Variants in TSHZ2 observed in about 807,000 individuals in gnomAD.
TSHZ2 encodes teashirt zinc finger homeobox 2.
In TSHZ2, 21 loss-of-function variants were observed where a neutral mutation model predicts 74.4. The observed-to-expected ratio is 0.28, with a 90% confidence interval of 0.20 to 0.41. The LOEUF is 0.41. Among genes scored for constraint, TSHZ2 ranks in the 10% least tolerant of loss-of-function variants. The probability of loss-of-function intolerance (pLI) is 1.00; values close to 1 mark genes in which losing one functional copy is unlikely to be tolerated. For missense variants in TSHZ2, 1,244 were observed against 1,293.5 expected, an observed-to-expected ratio of 0.96 and a Z score of 0.59; for synonymous variants, 540 against 515.3, an observed-to-expected ratio of 1.05 and a Z score of -0.65.
chr20:53,289,174 A>G (rs370758374), intron 2 of TSHZ2, among the ~76,000 whole-genome samples: 26 of 138,138 alleles, frequency 1.9e-4, no homozygotes, highest in African/African-American at 6.1e-4. Context: ...AGTAGTATTC[A>G]GTGGTGTATA....
intron 1 of TSHZ2, among the ~76,000 whole-genome samples, chr20:53,060,359 A>G (rs1429690237): frequency 6.6e-6 from 1 of 152,166 alleles, no homozygotes; most frequent in Non-Finnish European, 1.5e-5. Context: ...TTTCCCTGCT[A>G]CTCACATAAA....
intron 2 of TSHZ2, among the ~76,000 whole-genome samples, chr20:53,436,533 A>ATTTTTTT (rs1444141242): frequency 2.6e-5 from 3 of 115,978 alleles, no homozygotes; most frequent in African/African-American, 1.1e-4. Context: ...ATTTATTATT[A>ATTTTTTT]TTATTATTAT....
chr20:53,413,194 G>T (rs1568906463), intron 2 of TSHZ2, among the ~76,000 whole-genome samples: 5 of 152,212 alleles, frequency 3.3e-5, no homozygotes, highest in Admixed American at 2.0e-4. Context: ...GAGAGCTGGG[G>T]TGTTTACAAA....
intron 1 of TSHZ2, among the ~76,000 whole-genome samples, chr20:53,100,378 C>T (rs182292366): frequency 2.0e-5 from 3 of 152,168 alleles, no homozygotes; most frequent in Non-Finnish European, 4.4e-5. Context: ...TTGGCTGTGG[C>T]TTTCTTTCCC....
intron 2 of TSHZ2, among the ~76,000 whole-genome samples, chr20:53,394,859 CAAAAAAAA>C (rs1005992034): frequency 2.3e-5 from 1 of 44,116 alleles, no homozygotes; most frequent in African/African-American, 7.7e-5. Flanking sequence ...CAGAACTCAC[CAAAAAAAA>C]AAAAAAAAAA....
chr20:53,115,047 C>T (rs762636887), intron 1 of TSHZ2, among the ~76,000 whole-genome samples: 2 of 152,224 alleles, frequency 1.3e-5, no homozygotes, highest in Middle Eastern at 3.4e-3. Flanking sequence ...CCAAGTCTTA[C>T]GCATTTGGGT....
intron 1 of TSHZ2, among the ~76,000 whole-genome samples, chr20:53,123,077 G>A (rs1360082325): frequency 6.6e-6 from 1 of 152,186 alleles, no homozygotes; most frequent in Non-Finnish European, 1.5e-5. Flanking sequence ...AATCACAGAA[G>A]TATCTCCTCA....
At chr20:53,467,695 A>T (rs1985602801) in intron 2 of TSHZ2, among the ~76,000 whole-genome samples, 1 of 152,230 alleles carries the variant, frequency 6.6e-6, no homozygotes, top group South Asian at 2.1e-4. Context: ...TGGAAAGAGA[A>T]TATCAAAAGA....
chr20:53,014,131 C>G (rs1982948902), intron 1 of TSHZ2, among the ~76,000 whole-genome samples: 3 of 151,992 alleles, frequency 2.0e-5, no homozygotes, highest in African/African-American at 7.2e-5. Context: ...AAGGTGCTAG[C>G]ATTGTCAAGT....
At chr20:53,108,867 G>T (rs1209341339) in intron 1 of TSHZ2, among the ~76,000 whole-genome samples, 1 of 152,176 alleles carries the variant, frequency 6.6e-6, no homozygotes, top group Non-Finnish European at 1.5e-5. Flanking sequence ...CAGTGTCCCT[G>T]GTTCGCCAAC....
chr20:53,255,783 C>G lies in TSHZ2; in HGVS notation c.2325C>G (p.Ala775=), dbSNP rs538998480. Residue 775 remains alanine (A), a synonymous_variant, in exon 2 of 3, where the codon GCC becomes GCG. Coordinates refer to ENST00000371497, the MANE Select transcript of TSHZ2 (RefSeq NM_173485.6). This position sits in a 1 kb window ranked among gnomAD's most constrained non-coding sequence, Gnocchi z 4.1. ...TGACCAAGTCCAAAAGCAAGAAAGC[C>G]GAGTCCTCGCAAGCACAATCTTGTA... ...IDLTKSKSKK[A]ESSQAQSCMS... The G allele has an allele frequency of 1.2e-6, 2 of 1,613,974 alleles. No individual in the cohort carries two copies. The highest frequency in any genetic ancestry group is 1.7e-6 in the Non-Finnish European group (2 of 1,179,970).
chr20:53,125,969 A>G (rs1986937335), intron 1 of TSHZ2, among the ~76,000 whole-genome samples: 1 of 152,264 alleles, frequency 6.6e-6, no homozygotes, highest in South Asian at 2.1e-4. Context: ...ATAATAGCAG[A>G]AATGCTAAAT....
At chr20:53,297,387 C>CCACAGG (rs1991399144) in intron 2 of TSHZ2, among the ~76,000 whole-genome samples, 1 of 151,836 alleles carries the variant, frequency 6.6e-6, no homozygotes, top group Non-Finnish European at 1.5e-5. Context: ...GTAGCTGGGA[C>CCACAGG]CACAGGTGTG....
At chr20:53,391,799 C>T (rs1192357059) in intron 2 of TSHZ2, among the ~76,000 whole-genome samples, 3 of 152,084 alleles carry the variant, frequency 2.0e-5, no homozygotes, top group African/African-American at 7.2e-5. Flanking sequence ...AAAAATTAGA[C>T]AGACGTGGTG....
At chr20:53,173,728 G>A (rs1013093046) in intron 1 of TSHZ2, among the ~76,000 whole-genome samples, 4 of 152,232 alleles carry the variant, frequency 2.6e-5, no homozygotes, top group Middle Eastern at 3.4e-3. Context: ...GGATGGATGG[G>A]TGGGTGGGTA....
At chr20:53,214,804 G>A (rs1042657232) in intron 1 of TSHZ2, among the ~76,000 whole-genome samples, 1 of 152,170 alleles carries the variant, frequency 6.6e-6, no homozygotes, top group Non-Finnish European at 1.5e-5. Context: ...GTGCCTGCCT[G>A]TGCTTAGTAA....
intron 2 of TSHZ2, chr20:53,398,462 T>A (rs1389661525): frequency 6.6e-6 from 1 of 152,192 alleles, no homozygotes; most frequent in Non-Finnish European, 1.5e-5. Flanking sequence ...TATTAACAGT[T>A]CTATCAGGCC....
chr20:53,099,346 G>A (rs1029799180), intron 1 of TSHZ2, among the ~76,000 whole-genome samples: 2 of 152,114 alleles, frequency 1.3e-5, no homozygotes, highest in African/African-American at 2.4e-5. Context: ...CTTCCCTGTT[G>A]CCATTCTCTT....
chr20:53,327,952 A>G (rs1979564251), intron 2 of TSHZ2, among the ~76,000 whole-genome samples: 1 of 152,174 alleles, frequency 6.6e-6, no homozygotes, highest in South Asian at 2.1e-4. Context: ...GAGGAACAGA[A>G]AGGTTTCGTG....
Sources: allele counts gnomAD v4.1 joint callset (sites outside exome capture counted in the v4.1 genomes callset), GRCh38; gene constraint gnomAD v4.1.1; non-coding constraint Gnocchi (gnomAD v3.1); transcripts MANE v1.5; gene names NCBI Gene and HGNC (gene_info 2026-07-23, HGNC 2026-07-21).